SLC39A12: variants seen among roughly 807,000 people sequenced by gnomAD.
SLC39A12 encodes the protein zinc transporter ZIP12.
Under a neutral mutation model 71.1 loss-of-function variants are expected in SLC39A12, and 63 were observed. That is an observed-to-expected ratio of 0.89 (90% CI 0.72 to 1.09). The LOEUF is 1.09. SLC39A12 is among the 50% of genes least tolerant of loss of function. The pLI, the probability that SLC39A12 is intolerant of heterozygous loss-of-function variation, is 0.00. For synonymous variants in SLC39A12, 351 were observed against 301.3 expected (o/e 1.16, Z -1.71); for missense variants, 892 against 812.6 (o/e 1.10, Z -1.19).
intron 6 of SLC39A12, among the ~76,000 whole-genome samples, chr10:17,984,465 C>G (rs1835350902): frequency 6.6e-6 from 1 of 152,144 alleles, no homozygotes; most frequent in Non-Finnish European, 1.5e-5. Flanking sequence ...TTGCAGTTAC[C>G]ACTTCTAAAA....
At chr10:17,997,552 G>A (rs930568575) in intron 10 of SLC39A12, among the ~76,000 whole-genome samples, 1 of 152,118 alleles carries the variant, frequency 6.6e-6, no homozygotes. Context: ...ATCAGGAGCT[G>A]AAAGAGGATG....
intron 12 of SLC39A12, among the ~76,000 whole-genome samples, chr10:18,032,466 A>T (rs1296866491): frequency 2.3e-5 from 3 of 130,690 alleles, no homozygotes; most frequent in African/African-American, 8.9e-5. Flanking sequence ...TTGTTGGTGT[A>T]TAAGAATGCT....
At chr10:18,001,336 A>T (rs1464130472) in intron 11 of SLC39A12, among the ~76,000 whole-genome samples, 2 of 152,098 alleles carry the variant, frequency 1.3e-5, no homozygotes, top group Non-Finnish European at 2.9e-5. Flanking sequence ...CCAACAGGGT[A>T]AAACCCCGTC....
intron 9 of SLC39A12, among the ~76,000 whole-genome samples, chr10:17,993,861 A>T (rs1341649181): frequency 3.9e-5 from 6 of 152,244 alleles, no homozygotes; most frequent in African/African-American, 1.4e-4. Flanking sequence ...TTTAAGTAAG[A>T]AGTATAGGAA....
At chr10:17,954,216 G>A (rs1397971844) in intron 2 of SLC39A12, among the ~76,000 whole-genome samples, 2 of 151,974 alleles carry the variant, frequency 1.3e-5, no homozygotes, top group African/African-American at 4.8e-5. Flanking sequence ...TACTTGCCTG[G>A]GATAGAACTT....
Position 17,987,507 on chromosome 10 carries a change from C to G in SLC39A12, c.1125C>G (p.Thr375=), listed in dbSNP as rs1174828998. ...ACGGCTACAGCACGGTGGCTGTCAC[C>G]CTTCTCACACTGGGCTCCATGCTGG... ...EKYGYSTVAV[T]LLTLGSMLGT... is the part of the protein sequence containing the mutation. The change falls in exon 7 of 13, where the codon ACC becomes ACG. Residue 375 remains threonine, a synonymous_variant. Transcript: ENST00000377369. 1.2e-6 allele frequency: 2 copies of G among 1,614,068 alleles called. No homozygotes were observed. The highest frequency in any genetic ancestry group is 1.7e-6 in the Non-Finnish European group (2 of 1,179,998).
At chr10:17,981,519 C>T in intron 6 of SLC39A12, 36 bp downstream of exon 6, 1 of 1,539,140 alleles carries the variant, frequency 6.5e-7, no homozygotes, top group Non-Finnish European at 8.9e-7. Context: ...AGCTGATGTG[C>T]ACAATGTATG....
intron 9 of SLC39A12, among the ~76,000 whole-genome samples, 189 bp downstream of exon 9, chr10:17,993,480 C>A (rs543491771): frequency 1.6e-4 from 25 of 152,340 alleles, no homozygotes; most frequent in African/African-American, 5.8e-4. Flanking sequence ...GAGCAACAGG[C>A]ACCCTCCACA....
At chr10:18,005,917 G>A (rs1435388395) in intron 12 of SLC39A12, 2 of 152,006 alleles carry the variant, frequency 1.3e-5, no homozygotes, top group Admixed American at 6.6e-5. Flanking sequence ...TTGCTCTCAC[G>A]GCCTTCTGAG....
intron 12 of SLC39A12, among the ~76,000 whole-genome samples, chr10:18,015,657 G>A (rs189120748): frequency 1.3e-5 from 2 of 151,992 alleles, no homozygotes; most frequent in East Asian, 1.9e-4. Flanking sequence ...AAAATTTTTA[G>A]AGTGACAGAA....
At chr10:17,958,401 CGTT>C (rs781910665) in intron 2 of SLC39A12, among the ~76,000 whole-genome samples, 10 of 152,112 alleles carry the variant, frequency 6.6e-5, no homozygotes, top group Admixed American at 1.3e-4. Flanking sequence ...TCAACGCTCT[CGTT>C]GTACCATGTC....
chr10:18,027,708 T>C lies in SLC39A12; in HGVS notation c.1948-14997T>C, dbSNP rs143060956. Among the ~76,000 whole-genome samples the C allele has an allele frequency of 4.1e-3, 620 of 152,366 alleles. 3 individuals are homozygous for C. The highest frequency in any genetic ancestry group is 0.014 in the African/African-American group (586 of 41,580). ...CTGAGTCTACCTGCTGTCTCTCCAA[T>C]GTCTGAGACAGTGTATACCTTTCTC... is the stretch of plus-strand genomic sequence containing the variant. On this transcript the variant is annotated intron_variant, in intron 12 of 12. Transcript: ENST00000377369.
intron 9 of SLC39A12, among the ~76,000 whole-genome samples, chr10:17,995,063 A>G (rs1835650479): frequency 6.6e-6 from 1 of 152,194 alleles, no homozygotes; most frequent in African/African-American, 2.4e-5. Flanking sequence ...CTTCTCTGTC[A>G]TATAAAAGGA....
intron 3 of SLC39A12, among the ~76,000 whole-genome samples, chr10:17,963,832 A>G (rs1333921930): frequency 1.3e-5 from 2 of 152,174 alleles, no homozygotes; most frequent in African/African-American, 4.8e-5. Context: ...GGCTGCTCCA[A>G]GTGGGCCTCA....
chr10:17,954,747 CATAA>C (rs541167079), intron 2 of SLC39A12, among the ~76,000 whole-genome samples: 245 of 151,584 alleles, frequency 1.6e-3, no homozygotes, highest in African/African-American at 5.9e-3. Context: ...TGAAAGCATA[CATAA>C]ATAAGTAAAA....
intron 4 of SLC39A12, among the ~76,000 whole-genome samples, chr10:17,970,097 T>C (rs1834930614): frequency 6.6e-6 from 1 of 152,174 alleles, no homozygotes; most frequent in African/African-American, 2.4e-5. Flanking sequence ...GAGTTCACTT[T>C]AGGTGTGTGT....
At chr10:17,993,346 C>A in intron 9 of SLC39A12, 55 bp downstream of exon 9, 1 of 1,168,410 alleles carries the variant, frequency 8.6e-7, no homozygotes, top group Non-Finnish European at 1.2e-6. Flanking sequence ...CTCCTTTATT[C>A]CTCAATGAAC....
chr10:18,030,992 G>A (rs1290631198), intron 12 of SLC39A12, among the ~76,000 whole-genome samples: 1 of 151,702 alleles, frequency 6.6e-6, no homozygotes, highest in Non-Finnish European at 1.5e-5. Context: ...ATTTTTTATG[G>A]CTGCATAGTA....
At chr10:17,961,074 G>C (rs1482864259) in intron 2 of SLC39A12, among the ~76,000 whole-genome samples, 1 of 152,126 alleles carries the variant, frequency 6.6e-6, no homozygotes, top group African/African-American at 2.4e-5. Flanking sequence ...TGTTGTGAGA[G>C]GGTGACAATT....
Sources: allele counts gnomAD v4.1 joint callset (sites outside exome capture counted in the v4.1 genomes callset), GRCh38; gene constraint gnomAD v4.1.1; transcripts MANE v1.5; gene names NCBI Gene and HGNC (gene_info 2026-07-23, HGNC 2026-07-21).